PPP2R2B: variants seen among roughly 807,000 people sequenced by gnomAD.
PPP2R2B encodes serine/threonine-protein phosphatase 2A 55 kDa regulatory subunit B beta isoform.
PPP2R2B carries 5 observed loss-of-function variants against 46.0 expected under a neutral mutation model. The observed-to-expected ratio is 0.11, with a 90% CI of 0.06 to 0.23. The LOEUF is 0.23. Among genes scored for constraint, PPP2R2B ranks in the 10% least tolerant of loss-of-function variants. PPP2R2B has a pLI of 1.00. For synonymous variants in PPP2R2B, 215 were observed against 206.7 expected (o/e 1.04, Z -0.34); for missense variants, 367 against 575.0 (o/e 0.64, Z 3.70).
At chr5:146,890,299 G>C (rs1187969114) in intron 1 of PPP2R2B, among the ~76,000 whole-genome samples, 1 of 152,212 alleles carries the variant, frequency 6.6e-6, no homozygotes, top group Non-Finnish European at 1.5e-5. Context: ...AGGAGGAGCT[G>C]TATCAGTCCT....
intron 2 of PPP2R2B, among the ~76,000 whole-genome samples, chr5:146,813,914 A>C (rs1337054002): frequency 6.6e-6 from 1 of 152,190 alleles, no homozygotes; most frequent in African/African-American, 2.4e-5. Flanking sequence ...AGTTTAGACC[A>C]GGACAGGAAG....
At chr5:146,729,151 A>G (rs1752069588) in intron 2 of PPP2R2B, among the ~76,000 whole-genome samples, 2 of 152,230 alleles carry the variant, frequency 1.3e-5, no homozygotes, top group African/African-American at 4.8e-5. Context: ...GTGGTCTCAG[A>G]TGGAAATGAG....
At chr5:146,837,905 T>A (rs538150922) in intron 2 of PPP2R2B, among the ~76,000 whole-genome samples, 2 of 152,258 alleles carry the variant, frequency 1.3e-5, no homozygotes, top group South Asian at 2.1e-4. Flanking sequence ...GAGAAACTGA[T>A]TAAGCAGGGA....
chr5:146,842,044 C>T (rs1582242781), intron 2 of PPP2R2B, among the ~76,000 whole-genome samples: 2 of 152,316 alleles, frequency 1.3e-5, no homozygotes, highest in African/African-American at 2.4e-5. Flanking sequence ...TTCATCCATA[C>T]TCCCTAGCCA....
chr5:146,801,995 T>C (rs1356918647), intron 2 of PPP2R2B, among the ~76,000 whole-genome samples: 1 of 152,204 alleles, frequency 6.6e-6, no homozygotes, highest in African/African-American at 2.4e-5. Context: ...GTTTTTATTG[T>C]GAACAGACAA....
chr5:146,651,650 C>CA (rs1349327031), intron 5 of PPP2R2B, among the ~76,000 whole-genome samples: 6 of 152,090 alleles, frequency 3.9e-5, no homozygotes, highest in Admixed American at 3.3e-4. Flanking sequence ...CCAAGACAGA[C>CA]AAAACCCCAC....
chr5:146,595,542 C>A (rs933075002), intron 8 of PPP2R2B, among the ~76,000 whole-genome samples: 1 of 152,198 alleles, frequency 6.6e-6, no homozygotes, highest in Non-Finnish European at 1.5e-5. Context: ...GGGATAGATT[C>A]AAGGGAAAAC....
intron 2 of PPP2R2B, among the ~76,000 whole-genome samples, chr5:146,726,143 G>A (rs1751848126): frequency 6.6e-6 from 1 of 152,132 alleles, no homozygotes; most frequent in Non-Finnish European, 1.5e-5. Context: ...GCCAGAGGAG[G>A]AGGAACAAAA....
chr5:146,659,976 T>C (rs952213009), intron 5 of PPP2R2B, among the ~76,000 whole-genome samples: 3 of 152,200 alleles, frequency 2.0e-5, no homozygotes, highest in Admixed American at 6.5e-5. Flanking sequence ...AATGTTAAGG[T>C]TGCTTAGGAA....
intron 2 of PPP2R2B, among the ~76,000 whole-genome samples, chr5:146,732,322 T>C (rs1279499190): frequency 6.6e-6 from 1 of 152,224 alleles, no homozygotes. Flanking sequence ...ACAAGTGCTA[T>C]AGCACTGATA....
At chr5:147,055,653 TC>T (rs1210363961) in intron 1 of PPP2R2B, 1 of 1,598,572 alleles carries the variant, frequency 6.3e-7, no homozygotes, top group Non-Finnish European at 8.6e-7. Flanking sequence ...ACTCTCCCTC[TC>T]TGGTCTGTAC....
At chr5:146,902,657 T>A (rs1762871864) in intron 1 of PPP2R2B, among the ~76,000 whole-genome samples, 1 of 152,214 alleles carries the variant, frequency 6.6e-6, no homozygotes, top group Non-Finnish European at 1.5e-5. Flanking sequence ...ATTGACAGAC[T>A]AATTGTCCCC....
intron 1 of PPP2R2B, among the ~76,000 whole-genome samples, chr5:147,010,022 T>A (rs967227302): frequency 3.3e-5 from 5 of 152,110 alleles, no homozygotes; most frequent in African/African-American, 1.2e-4. Flanking sequence ...AGAATCTTAA[T>A]CAAGAGCAAA....
At chr5:147,018,977 T>G (rs1755134089) in intron 1 of PPP2R2B, among the ~76,000 whole-genome samples, 1 of 152,188 alleles carries the variant, frequency 6.6e-6, no homozygotes, top group African/African-American at 2.4e-5. Context: ...TTGCTTTGTA[T>G]AGTTCAGCCT....
At chr5:146,983,606 C>T (rs560113096) in intron 1 of PPP2R2B, among the ~76,000 whole-genome samples, 2 of 152,270 alleles carry the variant, frequency 1.3e-5, no homozygotes, top group African/African-American at 4.8e-5. Flanking sequence ...GAAATCTTAC[C>T]TCCCTTTACA....
rs139558098 is a variant in PPP2R2B at position 146,623,212 on chromosome 5, G to A, written c.790+15039C>T. Among the ~76,000 whole-genome samples, 505 of 152,316 alleles carry A rather than the reference G, an allele frequency of 3.3e-3. 5 individuals carry two copies. Among genetic ancestry groups the A allele is most frequent in the South Asian group, 0.015 (74 of 4,826 alleles). On this transcript the variant is annotated intron_variant, in intron 7 of 9. Coordinates refer to ENST00000394411, the MANE Select transcript of PPP2R2B (RefSeq NM_181675.4). Reference sequence around the variant, plus strand: ...AAACAGAAACTGAAAAATGCTACGCGTCAGAACTTTTGGGTACACATAGGA... The same window carrying A: ...AAACAGAAACTGAAAAATGCTACGCATCAGAACTTTTGGGTACACATAGGA...
chr5:146,692,500 G>A (rs908089746), intron 4 of PPP2R2B, among the ~76,000 whole-genome samples: 1 of 150,714 alleles, frequency 6.6e-6, no homozygotes, highest in East Asian at 1.9e-4. Context: ...CTGGAATGGC[G>A]TGCCCTACAT....
intron 1 of PPP2R2B, among the ~76,000 whole-genome samples, chr5:147,051,814 G>C (rs144055104): frequency 1.7e-3 from 231 of 137,312 alleles, no homozygotes; most frequent in African/African-American, 6.1e-3. Context: ...CCAGGCTGGA[G>C]TGCAGTAGTG....
At chr5:146,976,219 C>T (rs1226173214) in intron 1 of PPP2R2B, among the ~76,000 whole-genome samples, 2 of 151,774 alleles carry the variant, frequency 1.3e-5, no homozygotes, top group African/African-American at 2.4e-5. Flanking sequence ...CTCACTGCAA[C>T]TTCTGCTTCC....
Sources: allele counts gnomAD v4.1 joint callset (sites outside exome capture counted in the v4.1 genomes callset), GRCh38; gene constraint gnomAD v4.1.1; transcripts MANE v1.5; gene names NCBI Gene and HGNC (gene_info 2026-07-23, HGNC 2026-07-21).